The following RTKN2 variants were observed in gnomAD, a reference collection of about 807,000 sequenced individuals.
RTKN2 encodes rhotekin 2.
A neutral mutation model predicts 71.5 loss-of-function variants in RTKN2; 69 were observed. The observed-to-expected ratio is 0.96, with a 90% CI of 0.79 to 1.18. RTKN2 has a LOEUF of 1.18. Among genes scored for constraint, RTKN2 ranks in the 50% most tolerant of loss-of-function variants. RTKN2 has a pLI of 0.00. For synonymous variants in RTKN2, 236 were observed against 236.5 expected (o/e 1.00, Z 0.02); for missense variants, 724 against 719.7 (o/e 1.01, Z -0.07).
chr10:62,235,724 T>C lies in RTKN2; in HGVS notation c.686+342A>G, dbSNP rs538542742. ...TGTATATAAAAATTAATGTAATGTTTAGTCCTGGGTGCCATCCCTAAGGTA... is the reference window on the plus strand; with the variant it reads ...TGTATATAAAAATTAATGTAATGTTCAGTCCTGGGTGCCATCCCTAAGGTA... On this transcript the variant is annotated intron_variant, in intron 6 of 11. Coordinates refer to ENST00000373789, the MANE Select transcript of RTKN2 (RefSeq NM_145307.4). 5.3e-5 allele frequency among the ~76,000 whole-genome samples: 8 copies of C among 152,060 alleles called. No individual in the cohort carries two copies. In the South Asian group the frequency reaches 1.7e-3, roughly 32 times the overall value.
chr10:62,193,490 C>T lies in RTKN2; in HGVS notation c.*4418G>A, dbSNP rs1841263383. 1 of 982,954 alleles carries T rather than the reference C, an allele frequency of 1.0e-6. No homozygotes were observed. Among genetic ancestry groups the T allele is most frequent in the African/African-American group, 1.7e-5 (1 of 57,272 alleles). The allele number at this position is 982,954 out of a possible 1,614,324, so 60.9% of individuals were successfully genotyped here. A position where few individuals can be genotyped will look rare whatever the true frequency, so the allele number is the denominator to read the frequency against. On this transcript the variant is annotated 3_prime_UTR_variant, in exon 12 of 12. Transcript: ENST00000373789. ...TTGAATGTAAAGGTAGTTTGTTTCT[C>T]TAAGCACATTGATTAGTAGGCCTCT...
chr10:62,217,322 T>C, intron 8 of RTKN2, 73 bp from the exon 9 acceptor site: 1 of 1,028,718 alleles, frequency 9.7e-7, no homozygotes, highest in Non-Finnish European at 1.4e-6. Context: ...ATCAAAATAC[T>C]TATCAAGGTT....
At chr10:62,233,505 T>C (rs2132965530) in intron 6 of RTKN2, among the ~76,000 whole-genome samples, 1 of 152,256 alleles carries the variant, frequency 6.6e-6, no homozygotes, top group East Asian at 1.9e-4. Context: ...CTTCTATGAC[T>C]GTTTTTCAGA....
chr10:62,236,688 A>G (rs1159735115), intron 5 of RTKN2, among the ~76,000 whole-genome samples: 1 of 152,068 alleles, frequency 6.6e-6, no homozygotes, highest in East Asian at 1.9e-4. Context: ...ATAAGAATGC[A>G]GCATTATTCA....
At chr10:62,234,379 T>C (rs927907717) in intron 6 of RTKN2, among the ~76,000 whole-genome samples, 1 of 151,312 alleles carries the variant, frequency 6.6e-6, no homozygotes, top group Non-Finnish European at 1.5e-5. Flanking sequence ...ATACAAAAAT[T>C]AGCCACCAGG....
intron 6 of RTKN2, among the ~76,000 whole-genome samples, chr10:62,230,758 T>C (rs1338320154): frequency 4.6e-5 from 7 of 152,182 alleles, no homozygotes; most frequent in African/African-American, 1.4e-4. Flanking sequence ...CCCCAGTGTA[T>C]CGTATTGGCT....
chr10:62,222,275 CT>C (rs1056524795), intron 7 of RTKN2, among the ~76,000 whole-genome samples: 214 of 146,726 alleles, frequency 1.5e-3, no homozygotes, highest in African/African-American at 4.0e-3. Context: ...TGGCCAGCTA[CT>C]TTTTTTTTTT....
intron 6 of RTKN2, among the ~76,000 whole-genome samples, chr10:62,233,861 T>G (rs1842201971): frequency 6.6e-6 from 1 of 152,156 alleles, no homozygotes; most frequent in Admixed American, 6.6e-5. Flanking sequence ...ATTTTGCTTT[T>G]TATAATTACA....
At chr10:62,211,315 G>A (rs1246131126) in intron 9 of RTKN2, among the ~76,000 whole-genome samples, 2 of 152,134 alleles carry the variant, frequency 1.3e-5, no homozygotes, top group Non-Finnish European at 2.9e-5. Context: ...GAGGGGAATA[G>A]CTCTTAGGCT....
rs948262682 is a variant in RTKN2, at chr10:62,268,754, G to T, written c.-144C>A. 5 of 824,628 alleles carry T rather than the reference G, an allele frequency of 6.1e-6. No individual in the cohort carries two copies. In the African/African-American group the frequency reaches 9.1e-5, roughly 15 times the overall value. The allele number at this position is 824,628 out of a possible 1,614,324, so 51.1% of individuals were successfully genotyped here. ...GGGGCCGGGGGCGCAGGAGGAGCCG[G>T]GCCGAAGCGCACGCGCAGTGGGCGC... On this transcript the variant is annotated 5_prime_UTR_variant, in exon 1 of 12. Coordinates refer to ENST00000373789, the MANE Select transcript of RTKN2 (RefSeq NM_145307.4).
intron 6 of RTKN2, among the ~76,000 whole-genome samples, chr10:62,232,679 C>T (rs1432413847): frequency 1.3e-5 from 2 of 151,642 alleles, no homozygotes; most frequent in African/African-American, 4.8e-5. Context: ...AATGTGGCTA[C>T]ATTTTATAAT....
chr10:62,266,975 TTGACCAGTGTG>T (rs1842879108), intron 1 of RTKN2, among the ~76,000 whole-genome samples: 1 of 152,234 alleles, frequency 6.6e-6, no homozygotes, highest in African/African-American at 2.4e-5. Context: ...GCAGAGGTGT[TTGACCAGTGTG>T]TGACCACCTC....
intron 2 of RTKN2, among the ~76,000 whole-genome samples, chr10:62,249,003 T>A (rs1842527717): frequency 6.6e-6 from 1 of 152,228 alleles, no homozygotes; most frequent in Non-Finnish European, 1.5e-5. Flanking sequence ...TAGCATGAAA[T>A]TTTAACCCAT....
chr10:62,194,132 T>TA lies in RTKN2; in HGVS notation c.*3775dup. ...TTTAATCCAAAAGTCTGACCCATAT[T>TA]AAAAAATAAAAATTATAAACAAAGC... On this transcript the variant is annotated 3_prime_UTR_variant, in exon 12 of 12. Transcript: ENST00000373789. 2.0e-6 allele frequency: 2 copies of TA among 977,396 alleles called. No individual in the cohort carries two copies. The highest frequency in any genetic ancestry group is 2.4e-6 in the Non-Finnish European group (2 of 822,646). 60.5% of individuals were successfully genotyped at this position (977,396 alleles called of 1,614,324 possible). A position where few individuals can be genotyped will look rare whatever the true frequency, so the allele number is the denominator to read the frequency against.
intron 8 of RTKN2, among the ~76,000 whole-genome samples, chr10:62,187,799 A>C (rs1024576346): frequency 2.0e-5 from 3 of 152,142 alleles, no homozygotes; most frequent in Non-Finnish European, 4.4e-5. Flanking sequence ...ATTTATGAGG[A>C]TGCTCCCCAA....
At chr10:62,220,539 T>C (rs6479790) in intron 7 of RTKN2, among the ~76,000 whole-genome samples, 115,524 of 152,108 alleles carry the variant, frequency 0.76, 43,963 homozygotes, top group East Asian at 0.9. Context: ...TGTAAGTTAG[T>C]TGAAAAGTAC....
intron 1 of RTKN2, among the ~76,000 whole-genome samples, chr10:62,265,866 C>T (rs1842859929): frequency 1.3e-5 from 2 of 152,136 alleles, no homozygotes; most frequent in South Asian, 4.1e-4. Context: ...TTATTAACCT[C>T]AAAGAAGATG....
chr10:62,233,380 C>A lies in RTKN2; in HGVS notation c.686+2686G>T, dbSNP rs914582818. ...ATGACTGAATTAAAGTACCTTCCAGCAAATCCTTGATATAATATTAATGCA... is the reference window on the plus strand; with the variant it reads ...ATGACTGAATTAAAGTACCTTCCAGAAAATCCTTGATATAATATTAATGCA... On this transcript the variant is annotated intron_variant, in intron 6 of 11. Transcript: ENST00000373789. Among the ~76,000 whole-genome samples, 4 of 152,186 alleles carry A rather than the reference C, an allele frequency of 2.6e-5. No individual in the cohort carries two copies. The East Asian group carries it at 7.7e-4, about 29-fold the overall frequency.
intron 4 of RTKN2, among the ~76,000 whole-genome samples, chr10:62,240,642 G>A (rs1421599943): frequency 2.6e-5 from 4 of 152,000 alleles, no homozygotes; most frequent in African/African-American, 4.8e-5. Context: ...GAAATCATTC[G>A]AGGTTAATTT....
Sources: gnomAD v4.1 joint callset for allele counts (sites outside exome capture counted in the v4.1 genomes callset) on GRCh38, gnomAD v4.1.1 for gene constraint, MANE v1.5 for transcripts, NCBI Gene and HGNC (gene_info 2026-07-23, HGNC 2026-07-21) for gene names.